The following KIF16B variants were observed in gnomAD, a reference collection of about 807,000 sequenced individuals.
The protein encoded by KIF16B is kinesin-like protein KIF16B.
KIF16B carries 98 observed loss-of-function variants against 156.3 expected under a neutral mutation model. That is an observed-to-expected ratio of 0.63 (90% CI 0.53 to 0.74). The LOEUF is 0.74. KIF16B is among the 30% of genes least tolerant of loss of function. The pLI, the probability that KIF16B is intolerant of heterozygous loss-of-function variation, is 0.00. For missense variants in KIF16B, 1,421 were observed against 1,606.5 expected (o/e 0.88, Z 1.97); for synonymous variants, 564 against 583.7 (o/e 0.97, Z 0.49).
intron 1 of KIF16B, among the ~76,000 whole-genome samples, chr20:16,549,302 G>A (rs181138979): frequency 0.023 from 3,509 of 151,116 alleles, 49 homozygotes; most frequent in Middle Eastern, 0.076. Context: ...TTGGTTTTTC[G>A]ATCTTGCGAT....
chr20:16,374,512 C>A, intron 19 of KIF16B, 103 bp from the exon 20 acceptor site: 1 of 1,093,706 alleles, frequency 9.1e-7, no homozygotes, highest in Non-Finnish European at 1.2e-6. Context: ...CAAGATCTGT[C>A]CTCTGTGTGC....
At chr20:16,340,660 G>C (rs1489977659) in intron 23 of KIF16B, among the ~76,000 whole-genome samples, 2 of 152,156 alleles carry the variant, frequency 1.3e-5, no homozygotes, top group African/African-American at 4.8e-5. Flanking sequence ...TCAGCTTGTG[G>C]GGCTTTAGCC....
At chr20:16,299,136 C>A (rs1459350589) in intron 25 of KIF16B, among the ~76,000 whole-genome samples, 1 of 152,046 alleles carries the variant, frequency 6.6e-6, no homozygotes, top group East Asian at 1.9e-4. Flanking sequence ...AAATTAAAGT[C>A]TTGCTTTCTT....
At chr20:16,289,087 T>G (rs1356244718) in intron 25 of KIF16B, among the ~76,000 whole-genome samples, 1 of 152,186 alleles carries the variant, frequency 6.6e-6, no homozygotes, top group Non-Finnish European at 1.5e-5. Flanking sequence ...ACCTTAAATG[T>G]GCTCAGAACA....
In KIF16B at chr20:16,291,958, G is replaced by C. The variant is rs914604908; in HGVS notation, c.3796-18547C>G. ...GAAATACAAGCCCCGGGGTCTACTG[G>C]GGCTGTGTTTCCAGCTAGCTAAAGA... On this transcript the variant is annotated intron_variant, in intron 25 of 25. Transcript: ENST00000354981. 1.8e-4 allele frequency among the ~76,000 whole-genome samples: 27 copies of C among 152,072 alleles called. 1 individual carries two copies. The highest frequency in any genetic ancestry group is 1.6e-3 in the Admixed American group (25 of 15,270).
At position 16,320,015 on chromosome 20, in the gene KIF16B, T is replaced by G. The variant is rs1483638110; in HGVS notation, c.3712-7597A>C. Reference sequence around the variant, plus strand: ...AAGACTGCAAACTACCCTAGGACTATAGAAGGCTTCCTCTCACCATACCTT... The same window carrying G: ...AAGACTGCAAACTACCCTAGGACTAGAGAAGGCTTCCTCTCACCATACCTT... On this transcript the variant is annotated intron_variant, in intron 24 of 25. Coordinates refer to ENST00000354981, the MANE Select transcript of KIF16B (RefSeq NM_024704.5). Among the ~76,000 whole-genome samples the G allele has an allele frequency of 2.0e-5, 3 of 152,098 alleles. No homozygotes were observed. In the East Asian group the frequency reaches 5.8e-4, roughly 29 times the overall value.
intron 22 of KIF16B, among the ~76,000 whole-genome samples, chr20:16,363,677 G>A (rs547135256): frequency 3.3e-5 from 5 of 152,234 alleles, no homozygotes; most frequent in African/African-American, 9.6e-5. Flanking sequence ...TCATCACCAC[G>A]ATGGCTACTG....
chr20:16,342,776 G>A lies in KIF16B; in HGVS notation c.3622-6761C>T, dbSNP rs181286935. On this transcript the variant is annotated intron_variant, in intron 23 of 25. Transcript: ENST00000354981. ...TGAATATCCCCTTGTTTATCAACAC[G>A]CAAACAAGATGAAGATGATGAGTAT... Among the ~76,000 whole-genome samples, 286 of 152,214 alleles carry A rather than the reference G, an allele frequency of 1.9e-3. 4 individuals are homozygous for A. The highest frequency in any genetic ancestry group is 1.7e-3 in the Non-Finnish European group (119 of 68,008).
chr20:16,498,495 G>A lies in KIF16B; in HGVS notation c.1177-817C>T, dbSNP rs913438497. ...GTCATATGCAAGCGTGTTTTTTGTC[G>A]TGTTTTTAAATATAAGTGGCATAAA... On this transcript the variant is annotated intron_variant, in intron 10 of 25. Coordinates refer to ENST00000354981, the MANE Select transcript of KIF16B (RefSeq NM_024704.5). Among the ~76,000 whole-genome samples, 6 of 152,132 alleles carry A rather than the reference G, an allele frequency of 3.9e-5. No individual in the cohort carries two copies. In the East Asian group the frequency reaches 7.7e-4, roughly 20 times the overall value.
chr20:16,548,830 G>A (rs1025243102), intron 1 of KIF16B, among the ~76,000 whole-genome samples: 17 of 152,144 alleles, frequency 1.1e-4, no homozygotes, highest in African/African-American at 4.1e-4. Flanking sequence ...GCTTGTTTAT[G>A]CAGTAAGTGA....
intron 13 of KIF16B, among the ~76,000 whole-genome samples, chr20:16,429,386 G>T (rs1600374104): frequency 6.6e-6 from 1 of 152,266 alleles, no homozygotes; most frequent in Non-Finnish European, 1.5e-5. Flanking sequence ...TTATGGGTCA[G>T]AGAGAGGGCA....
chr20:16,416,306 A>G (rs935603858), intron 15 of KIF16B, among the ~76,000 whole-genome samples: 3 of 152,162 alleles, frequency 2.0e-5, no homozygotes, highest in African/African-American at 7.2e-5. Context: ...CCTGAATGGT[A>G]TTGCCTACAC....
intron 23 of KIF16B, among the ~76,000 whole-genome samples, chr20:16,348,838 T>A (rs909823925): frequency 6.6e-6 from 1 of 151,700 alleles, no homozygotes; most frequent in Admixed American, 6.6e-5. Flanking sequence ...ATGCCAAAGA[T>A]AGAATAATTT....
intron 25 of KIF16B, among the ~76,000 whole-genome samples, chr20:16,309,053 C>G (rs989863307): frequency 1.3e-5 from 2 of 152,228 alleles, no homozygotes; most frequent in African/African-American, 4.8e-5. Flanking sequence ...TGCACAGTTA[C>G]ACTGAACTGG....
chr20:16,433,858 C>T (rs577388353), intron 12 of KIF16B, among the ~76,000 whole-genome samples: 9 of 152,116 alleles, frequency 5.9e-5, no homozygotes, highest in Admixed American at 2.6e-4. Flanking sequence ...ATATCTATCA[C>T]GTATAAAATA....
chr20:16,511,452 G>T lies in KIF16B; in HGVS notation c.522C>A (p.Val174=), dbSNP rs2068953078. 4.3e-6 allele frequency: 7 copies of T among 1,611,332 alleles called. No individual in the cohort carries two copies. Among genetic ancestry groups the T allele is most frequent in the Non-Finnish European group, 5.9e-6 (7 of 1,178,124 alleles). ...RKSSKTFNLR[V]REHPKEGPYV... is the part of the protein sequence containing the mutation. ...AAGGGCCTTCTTTGGGATGCTCACG[G>T]ACTCTCAAATTGAAGGTTTTAGATG... Residue 174 remains valine, a synonymous_variant, in exon 6 of 26, where the codon GTC becomes GTA. Transcript: ENST00000354981.
chr20:16,273,735 A>G lies in KIF16B; in HGVS notation c.3796-324T>C, dbSNP rs190811646. ...CAAGGTACTGTTGGATGGTGTCAAG[A>G]AGAGAAAAAATTTCCAGAAACAACT... On this transcript the variant is annotated intron_variant, in intron 25 of 25. Transcript: ENST00000354981. Among the ~76,000 whole-genome samples, 26 of 152,238 alleles carry G rather than the reference A, an allele frequency of 1.7e-4. No homozygotes were observed. The East Asian group carries it at 5.0e-3, about 29-fold the overall frequency.
intron 6 of KIF16B, among the ~76,000 whole-genome samples, chr20:16,509,897 C>A (rs6131832): frequency 6.6e-6 from 1 of 152,066 alleles, no homozygotes; most frequent in Non-Finnish European, 1.5e-5. Context: ...TTTTAAAAGC[C>A]TTCTTTCCTC....
At chr20:16,354,477 TACACACACACAC>T (rs10567864) in intron 23 of KIF16B, among the ~76,000 whole-genome samples, 27 of 148,748 alleles carry the variant, frequency 1.8e-4, no homozygotes, top group African/African-American at 6.4e-4. Flanking sequence ...AATGGAATTC[TACACACACACAC>T]ACACACACAC....
Sources: gnomAD v4.1 joint callset for allele counts (sites outside exome capture counted in the v4.1 genomes callset) on GRCh38, gnomAD v4.1.1 for gene constraint, MANE v1.5 for transcripts, NCBI Gene and HGNC (gene_info 2026-07-23, HGNC 2026-07-21) for gene names.